Variants in DYM observed in about 807,000 individuals in gnomAD.
DYM encodes dyggve-Melchior-Clausen syndrome protein.
DYM carries 78 observed loss-of-function variants against 93.1 expected under a neutral mutation model. The ratio of observed to expected loss-of-function variants is 0.84; its 90% CI spans 0.70 to 1.01. The LOEUF (loss-of-function observed/expected upper bound fraction) is 1.01. Among genes scored for constraint, DYM ranks in the 50% least tolerant of loss-of-function variants. The probability of loss-of-function intolerance (pLI) is 0.00; values close to 1 mark genes in which losing one functional copy is unlikely to be tolerated. For synonymous variants in DYM, 321 were observed against 319.7 expected (o/e 1.00, Z -0.04); for missense variants, 789 against 845.0 (o/e 0.93, Z 0.82).
At chr18:49,177,175 A>G (rs769868576) in intron 14 of DYM, among the ~76,000 whole-genome samples, 18 of 152,160 alleles carry the variant, frequency 1.2e-4, no homozygotes, top group Non-Finnish European at 2.6e-4. Context: ...AAGTGGAATG[A>G]CCTCACAGTG....
intron 13 of DYM, among the ~76,000 whole-genome samples, chr18:49,221,202 T>G (rs940663569): frequency 4.6e-5 from 7 of 151,862 alleles, no homozygotes; most frequent in African/African-American, 4.8e-5. Context: ...AAAACCACAA[T>G]GAGATACCAT....
intron 17 of DYM, among the ~76,000 whole-genome samples, chr18:49,063,319 T>C (rs1203393549): frequency 6.6e-6 from 1 of 151,668 alleles, no homozygotes; most frequent in East Asian, 1.9e-4. Flanking sequence ...TTTTTTTTTT[T>C]TTTTTAAATC....
rs755775980 is a variant in DYM, at chr18:49,333,784, G to A, written c.564C>T (p.Phe188=). 1.9e-6 allele frequency: 3 copies of A among 1,613,880 alleles called. No homozygotes were observed. The highest frequency in any genetic ancestry group is 1.1e-5 in the South Asian group (1 of 91,064). The part of the protein sequence containing the change: ...TMVVFLSCQL[F]HKEVLRQSIS... ...TGCTCTGTCGCAAAACTTCTTTGTGGAAGAGTTGGCAGGAAAGGAAAACAA... is the reference window on the plus strand; with the variant it reads ...TGCTCTGTCGCAAAACTTCTTTGTGAAAGAGTTGGCAGGAAAGGAAAACAA... Residue 188 remains phenylalanine (F), a synonymous_variant, in exon 7 of 18, where the codon TTC becomes TTT. Transcript: ENST00000675505.
At chr18:49,337,745 T>G (rs1172642681) in intron 6 of DYM, among the ~76,000 whole-genome samples, 6 of 152,090 alleles carry the variant, frequency 3.9e-5, no homozygotes, top group African/African-American at 1.4e-4. Flanking sequence ...CATGAAAGAA[T>G]ATGAACTATC....
intron 8 of DYM, among the ~76,000 whole-genome samples, chr18:49,314,418 T>C (rs2061796975): frequency 1.3e-5 from 2 of 152,218 alleles, no homozygotes; most frequent in African/African-American, 4.8e-5. Context: ...CAAAGAATGC[T>C]GCTAGGAATG....
chr18:49,074,182 A>G (rs1458896351), intron 17 of DYM, among the ~76,000 whole-genome samples: 1 of 152,226 alleles, frequency 6.6e-6, no homozygotes, highest in Non-Finnish European at 1.5e-5. Context: ...TCAACCAACC[A>G]TGGATTTAAA....
intron 3 of DYM, among the ~76,000 whole-genome samples, chr18:49,380,702 C>T (rs2067964621): frequency 1.3e-5 from 2 of 152,200 alleles, no homozygotes; most frequent in Non-Finnish European, 2.9e-5. Context: ...GCTAAGAATT[C>T]ATCAGAAGGG....
Position 49,044,079 on chromosome 18 carries a change from C to T in DYM, c.2151G>A (p.Gln717=). The part of the protein sequence containing the change: ...VGLYWNPQDI[Q]LFTMDSD ...CTCAGTCGGAATCCATGGTGAACAG[C>T]TGGATGTCCTGTGGATTCCAGTACA... is the stretch of plus-strand genomic sequence containing the variant. The change falls in exon 18 of 18, where the codon CAG becomes CAA. Residue 717 remains glutamine (Q), a synonymous_variant. Coordinates refer to ENST00000675505, the MANE Select transcript of DYM (RefSeq NM_001353214.3). 6.2e-7 allele frequency: 1 copy of T among 1,613,808 alleles called. No individual in the cohort carries two copies. The highest frequency in any genetic ancestry group is 8.5e-7 in the Non-Finnish European group (1 of 1,180,036).
chr18:49,114,568 GT>G, intron 16 of DYM: 3 of 985,372 alleles, frequency 3.0e-6, no homozygotes, highest in Non-Finnish European at 3.6e-6. Flanking sequence ...AAAGGAGAAT[GT>G]GTTTCAAATG....
chr18:49,195,118 G>A (rs911012923), intron 14 of DYM, among the ~76,000 whole-genome samples: 1 of 152,028 alleles, frequency 6.6e-6, no homozygotes, highest in African/African-American at 2.4e-5. Context: ...GTTACTTTAT[G>A]ATTTTTTTCA....
chr18:49,361,951 C>T lies in DYM; in HGVS notation c.494+1210G>A, dbSNP rs1258504193. On this transcript the variant is annotated intron_variant, in intron 6 of 17. Coordinates refer to ENST00000675505, the MANE Select transcript of DYM (RefSeq NM_001353214.3). Reference sequence around the variant, plus strand: ...ATGTTGGCCAGGCTGGTCGTGAACTCCTGACCTCATGAACTGCCCACCTTG... The same window carrying T: ...ATGTTGGCCAGGCTGGTCGTGAACTTCTGACCTCATGAACTGCCCACCTTG... Among the ~76,000 whole-genome samples the T allele has an allele frequency of 2.0e-5, 3 of 151,976 alleles. 1 individual carries two copies. Among genetic ancestry groups the T allele is most frequent in the South Asian group, 4.1e-4 (2 of 4,824 alleles).
chr18:49,422,094 CAGG>C (rs1462507639), intron 2 of DYM, among the ~76,000 whole-genome samples: 9 of 152,270 alleles, frequency 5.9e-5, no homozygotes, highest in African/African-American at 2.2e-4. Context: ...GGATATTATC[CAGG>C]AGAACTTCCC....
At chr18:49,403,581 A>G (rs1011422357) in intron 2 of DYM, among the ~76,000 whole-genome samples, 3 of 152,126 alleles carry the variant, frequency 2.0e-5, no homozygotes, top group Admixed American at 6.5e-5. Context: ...TAGGTTTTTT[A>G]TTTTTTTTAA....
intron 8 of DYM, among the ~76,000 whole-genome samples, chr18:49,303,031 C>T (rs1272386267): frequency 6.6e-6 from 1 of 152,208 alleles, no homozygotes; most frequent in Non-Finnish European, 1.5e-5. Flanking sequence ...AAATTATCTT[C>T]CCAGACTTCT....
At chr18:49,450,633 A>G (rs915625746) in intron 1 of DYM, among the ~76,000 whole-genome samples, 1 of 152,222 alleles carries the variant, frequency 6.6e-6, no homozygotes, top group Admixed American at 6.5e-5. Context: ...GGTAAACAGG[A>G]TTATCTGACA....
At chr18:49,054,028 G>A (rs1329681342) in intron 17 of DYM, among the ~76,000 whole-genome samples, 1 of 152,124 alleles carries the variant, frequency 6.6e-6, no homozygotes, top group Non-Finnish European at 1.5e-5. Context: ...CGTGGGCTTG[G>A]ACAGCAAACT....
intron 9 of DYM, among the ~76,000 whole-genome samples, chr18:49,282,385 C>G (rs1046636588): frequency 1.3e-5 from 2 of 152,328 alleles, no homozygotes; most frequent in East Asian, 1.9e-4. Flanking sequence ...GAGGCCGAGA[C>G]AGGTGGATCA....
At chr18:49,274,464 A>G (rs1240872609) in intron 10 of DYM, among the ~76,000 whole-genome samples, 1 of 152,108 alleles carries the variant, frequency 6.6e-6, no homozygotes, top group Non-Finnish European at 1.5e-5. Context: ...TTCATTTACA[A>G]GTTTTCCTGC....
chr18:49,062,317 C>T (rs1426464180), intron 17 of DYM, among the ~76,000 whole-genome samples: 1 of 152,200 alleles, frequency 6.6e-6, no homozygotes, highest in Non-Finnish European at 1.5e-5. Flanking sequence ...GACTCACTGT[C>T]ACCAACGATT....
Sources: allele counts gnomAD v4.1 joint callset (sites outside exome capture counted in the v4.1 genomes callset), GRCh38; gene constraint gnomAD v4.1.1; transcripts MANE v1.5; gene names NCBI Gene and HGNC (gene_info 2026-07-23, HGNC 2026-07-21).